Variants in IL1RAP observed in about 807,000 individuals in gnomAD.
IL1RAP encodes interleukin-1 receptor accessory protein.
A neutral mutation model predicts 60.7 loss-of-function variants in IL1RAP; 35 were observed. The observed-to-expected ratio is 0.58, with a 90% CI of 0.44 to 0.76. The LOEUF is 0.76. Ranked by LOEUF, IL1RAP falls within the 30% of genes least tolerant of loss-of-function variation. IL1RAP has a pLI of 0.00. For synonymous variants in IL1RAP, 268 were observed against 250.9 expected (o/e 1.07, Z -0.64); for missense variants, 572 against 693.9 (o/e 0.82, Z 1.97).
chr3:190,526,913 T>A (rs1434503935), intron 1 of IL1RAP, among the ~76,000 whole-genome samples: 1 of 152,222 alleles, frequency 6.6e-6, no homozygotes, highest in Non-Finnish European at 1.5e-5. Flanking sequence ...CAGCAGGGCA[T>A]GCAGTGTGGA....
intron 3 of IL1RAP, among the ~76,000 whole-genome samples, chr3:190,574,917 C>T (rs1727302889): frequency 2.0e-5 from 3 of 152,160 alleles, no homozygotes; most frequent in African/African-American, 7.2e-5. Context: ...TAAGCTATTC[C>T]ACTTACTGCA....
At position 190,619,102 on chromosome 3, in the gene IL1RAP, T is replaced by C. The variant is rs534117248; in HGVS notation, c.538-1173T>C. On this transcript the variant is annotated intron_variant, in intron 5 of 11. Coordinates refer to ENST00000447382, the MANE Select transcript of IL1RAP (RefSeq NM_002182.4). Reference sequence around the variant, plus strand: ...AGCCTTAGAGATAACCTAATCTTTTTGTCATAGGTGACTTATTGATATTTA... The same window carrying C: ...AGCCTTAGAGATAACCTAATCTTTTCGTCATAGGTGACTTATTGATATTTA... Among the ~76,000 whole-genome samples the C allele has an allele frequency of 5.3e-5, 8 of 152,368 alleles. No homozygotes were observed. The South Asian group carries it at 1.7e-3, about 32-fold the overall frequency.
intron 3 of IL1RAP, among the ~76,000 whole-genome samples, chr3:190,568,003 T>A (rs1481922642): frequency 6.6e-6 from 1 of 152,128 alleles, no homozygotes; most frequent in Non-Finnish European, 1.5e-5. Context: ...TTGGAACCTG[T>A]GATCCCAAGT....
chr3:190,624,862 A>T (rs187419102), intron 7 of IL1RAP: 2 of 162,940 alleles, frequency 1.2e-5, no homozygotes, highest in African/African-American at 4.8e-5. Context: ...GGGTCCCTGA[A>T]GTCTTCAGCT....
chr3:190,589,351 A>G (rs1728744649), intron 3 of IL1RAP, among the ~76,000 whole-genome samples: 1 of 151,964 alleles, frequency 6.6e-6, no homozygotes, highest in Non-Finnish European at 1.5e-5. Context: ...CCCATTTCTC[A>G]TGCTCTCAGC....
At chr3:190,625,809 C>T (rs1397922616) in intron 7 of IL1RAP, among the ~76,000 whole-genome samples, 2 of 152,160 alleles carry the variant, frequency 1.3e-5, no homozygotes, top group Non-Finnish European at 2.9e-5. Flanking sequence ...TATGAATACT[C>T]TTCCTGCTGT....
At chr3:190,548,755 A>G (rs1463082568) in intron 1 of IL1RAP, among the ~76,000 whole-genome samples, 1 of 152,208 alleles carries the variant, frequency 6.6e-6, no homozygotes, top group Non-Finnish European at 1.5e-5. Flanking sequence ...GACTCTGGAG[A>G]AGCTGCAGAA....
intron 1 of IL1RAP, among the ~76,000 whole-genome samples, chr3:190,515,006 A>G (rs1476748262): frequency 6.6e-6 from 1 of 152,196 alleles, no homozygotes; most frequent in Non-Finnish European, 1.5e-5. Flanking sequence ...TGTTTCCTTT[A>G]AGAGCTAGCC....
intron 1 of IL1RAP, among the ~76,000 whole-genome samples, chr3:190,552,773 CA>C (rs1331327114): frequency 6.6e-6 from 1 of 151,490 alleles, no homozygotes; most frequent in East Asian, 1.9e-4. Context: ...AGTGGTGAGG[CA>C]AAATGGAGAA....
At chr3:190,543,595 C>T (rs568612933) in intron 1 of IL1RAP, among the ~76,000 whole-genome samples, 19 of 152,186 alleles carry the variant, frequency 1.2e-4, no homozygotes, top group Middle Eastern at 3.4e-3. Context: ...GAAGTGGTTT[C>T]GGAAATATGT....
At chr3:190,541,272 A>G (rs1438891770) in intron 1 of IL1RAP, among the ~76,000 whole-genome samples, 2 of 152,150 alleles carry the variant, frequency 1.3e-5, no homozygotes, top group South Asian at 2.1e-4. Flanking sequence ...AAAGCTGACA[A>G]AAGGCCTTGC....
At chr3:190,633,364 T>C (rs544465801) in intron 9 of IL1RAP, among the ~76,000 whole-genome samples, 12 of 152,182 alleles carry the variant, frequency 7.9e-5, no homozygotes, top group Admixed American at 2.6e-4. Flanking sequence ...TACTTTTATT[T>C]AAATTTATTT....
intron 5 of IL1RAP, among the ~76,000 whole-genome samples, chr3:190,615,088 A>C (rs1367037566): frequency 6.6e-6 from 1 of 152,078 alleles, no homozygotes; most frequent in African/African-American, 2.4e-5. Flanking sequence ...GGCGGAAAAA[A>C]ATTCTGCCAT....
At chr3:190,618,750 A>T (rs1731502169) in intron 5 of IL1RAP, among the ~76,000 whole-genome samples, 1 of 152,230 alleles carries the variant, frequency 6.6e-6, no homozygotes, top group Admixed American at 6.5e-5. Context: ...GGATATTGAA[A>T]TCGTTTGCTG....
rs12631614 is a variant in IL1RAP, at chr3:190,572,493, G to C, written c.64+8140G>C. On this transcript the variant is annotated intron_variant, in intron 3 of 11. Transcript: ENST00000447382. ...AAAAAGAGAGATAGTAGGAAAAAGA[G>C]AGAGAGAGGCATAAAATGCAAAGAG... 5.9e-5 allele frequency among the ~76,000 whole-genome samples: 9 copies of C among 152,248 alleles called. No homozygotes were observed. The East Asian group carries it at 1.7e-3, about 29-fold the overall frequency.
At chr3:190,583,551 C>G (rs1165995659) in intron 3 of IL1RAP, among the ~76,000 whole-genome samples, 1 of 152,214 alleles carries the variant, frequency 6.6e-6, no homozygotes, top group East Asian at 1.9e-4. Context: ...GACTAAAGCT[C>G]TCTCTTTGAG....
At chr3:190,539,335 A>ATTGTTT (rs1337114833) in intron 1 of IL1RAP, among the ~76,000 whole-genome samples, 1 of 152,144 alleles carries the variant, frequency 6.6e-6, no homozygotes, top group Admixed American at 6.6e-5. Context: ...GGAAAATAAC[A>ATTGTTT]TTGTTTTAGT....
In IL1RAP at chr3:190,572,266, G is replaced by T. The variant is rs558361803; in HGVS notation, c.64+7913G>T. On this transcript the variant is annotated intron_variant, in intron 3 of 11. Transcript: ENST00000447382. ...TATTCTTATATTTTCAATGTTTTTT[G>T]AATTTTTAAATTTATCTGGTCATCT... 1.1e-4 allele frequency among the ~76,000 whole-genome samples: 17 copies of T among 152,018 alleles called. No individual in the cohort carries two copies. In the South Asian group the frequency reaches 3.5e-3, roughly 32 times the overall value.
At position 190,649,712 on chromosome 3, in the gene IL1RAP, T is replaced by G. The variant is rs1010556108; in HGVS notation, c.*1007T>G. 1 of 985,636 alleles carries G rather than the reference T, an allele frequency of 1.0e-6. No individual in the cohort carries two copies. The highest frequency in any genetic ancestry group is 1.1e-4 in the East Asian group (1 of 8,824). The allele number at this position is 985,636 out of a possible 1,614,324, so 61.1% of individuals were successfully genotyped here. On this transcript the variant is annotated 3_prime_UTR_variant, in exon 12 of 12. Transcript: ENST00000447382. Reference sequence around the variant, plus strand: ...GGGCGGAGGTCAGTCTTAGTGGCCTTGAGAGTTGCTTTTGGCATTAATATT... The same window carrying G: ...GGGCGGAGGTCAGTCTTAGTGGCCTGGAGAGTTGCTTTTGGCATTAATATT...
Sources: allele counts gnomAD v4.1 joint callset (sites outside exome capture counted in the v4.1 genomes callset), GRCh38; gene constraint gnomAD v4.1.1; transcripts MANE v1.5; gene names NCBI Gene and HGNC (gene_info 2026-07-23, HGNC 2026-07-21).